SDF4: variants seen among roughly 807,000 people sequenced by gnomAD.
The protein encoded by SDF4 is 45 kDa calcium-binding protein.
In SDF4, 22 loss-of-function variants were observed where a neutral mutation model predicts 34.2. That is an observed-to-expected ratio of 0.64 (90% CI 0.46 to 0.92). The LOEUF (loss-of-function observed/expected upper bound fraction) is 0.92. Ranked by LOEUF, SDF4 falls within the 40% of genes least tolerant of loss-of-function variation. The pLI is 0.00. For missense variants in SDF4, 447 were observed against 499.9 expected, an observed-to-expected ratio of 0.89 and a Z score of 1.01; for synonymous variants, 236 against 203.1, an observed-to-expected ratio of 1.16 and a Z score of -1.38.
chr1:1,220,702 C>T, intron 4 of SDF4: 1 of 1,289,212 alleles, frequency 7.8e-7, no homozygotes, highest in Non-Finnish European at 1.0e-6. Flanking sequence ...AGAAATGTCA[C>T]AGAGCTCTAG....
chr1:1,228,570 C>T lies in SDF4; in HGVS notation c.203G>A (p.Arg68His), dbSNP rs765163336. The change falls in exon 2 of 7, where the codon CGC becomes CAC. Residue 68 changes from arginine to histidine, a missense_variant. Coordinates refer to ENST00000360001, the MANE Select transcript of SDF4 (RefSeq NM_016176.6). Reference protein sequence around the residue: ...VKLEMDGHLNRGFHQEVFLGK... With the variant: ...VKLEMDGHLNHGFHQEVFLGK... The stretch of plus-strand genomic sequence containing the variant: ...TAGGAAGACCTCCTGGTGGAAGCCG[C>T]GATTGAGGTGCCCGTCCATCTCCAG... 1.9e-6 allele frequency: 3 copies of T among 1,613,184 alleles called. No homozygotes were observed. Among genetic ancestry groups the T allele is most frequent in the Non-Finnish European group, 2.5e-6 (3 of 1,180,024 alleles).
chr1:1,228,353 G>T, intron 2 of SDF4, 115 bp downstream of exon 2: 2 of 1,202,030 alleles, frequency 1.7e-6, no homozygotes, highest in Non-Finnish European at 2.3e-6. Context: ...CGTCTTCCCA[G>T]CCCGGCAGGT....
At chr1:1,223,782 C>T (rs1481313062) in intron 3 of SDF4, 50 bp downstream of exon 3, 1 of 621,918 alleles carries the variant, frequency 1.6e-6, no homozygotes, top group East Asian at 2.8e-5. Flanking sequence ...AGGCCCATGG[C>T]CCTGCCCGCC....
At chr1:1,221,591 T>G (rs969328801) in intron 4 of SDF4, among the ~76,000 whole-genome samples, 4 of 151,720 alleles carry the variant, frequency 2.6e-5, no homozygotes, top group African/African-American at 9.7e-5. Flanking sequence ...TGAGCTGAGA[T>G]CGCACCACTG....
At chr1:1,224,084 G>A (rs75440717) in intron 2 of SDF4, 116 bp from the exon 3 acceptor site, 113 of 1,529,752 alleles carry the variant, frequency 7.4e-5, no homozygotes, top group Non-Finnish European at 9.4e-5. Flanking sequence ...CACCAACAGC[G>A]ACAGGCTCCA....
In SDF4 at chr1:1,228,588, A is replaced by C; in HGVS notation, c.185T>G (p.Met62Arg). The C allele has an allele frequency of 2.5e-6, 4 of 1,613,168 alleles. No homozygotes were observed. Among genetic ancestry groups the C allele is most frequent in the Non-Finnish European group, 3.4e-6 (4 of 1,180,002 alleles). ...PDHLNGVKLE[M>R]DGHLNRGFHQ... is the part of the protein sequence containing the mutation. ...GAAGCCGCGATTGAGGTGCCCGTCCATCTCCAGCTTCACCCCGTTCAGGTG... is the reference window on the plus strand; with the variant it reads ...GAAGCCGCGATTGAGGTGCCCGTCCCTCTCCAGCTTCACCCCGTTCAGGTG... The change falls in exon 2 of 7, where the codon ATG becomes AGG. Residue 62 changes from methionine to arginine, a missense_variant. By Grantham distance (91) the Met-to-Arg change is moderately conservative (BLOSUM62 -1). Coordinates refer to ENST00000360001, the MANE Select transcript of SDF4 (RefSeq NM_016176.6).
intron 1 of SDF4, among the ~76,000 whole-genome samples, chr1:1,229,954 C>A (rs949600838): frequency 6.6e-6 from 1 of 152,234 alleles, no homozygotes; most frequent in Non-Finnish European, 1.5e-5. Flanking sequence ...TGCCCTTGCC[C>A]ACACTCGCGA....
chr1:1,224,062 G>A (rs2100978003), intron 2 of SDF4, 94 bp from the exon 3 acceptor site: 1 of 1,558,828 alleles, frequency 6.4e-7, no homozygotes, highest in South Asian at 1.2e-5. Context: ...CTCCATGGCT[G>A]CGTGAACCTG....
In SDF4 at chr1:1,218,837, G is replaced by A. The variant is rs774080033; in HGVS notation, c.647C>T (p.Ser216Leu). 9.4e-6 allele frequency: 15 copies of A among 1,601,566 alleles called. No individual in the cohort carries two copies. In the Admixed American group the frequency reaches 1.2e-4, roughly 13 times the overall value. ...DLLLTEEEFL[S>L]FLHPEHSRGM... ...CCGGCTGTGCTCGGGGTGGAGGAAC[G>A]ACAGGAACTCCTCCTCCGTCAGCAG... The change falls in exon 5 of 7, where the codon TCG becomes TTG. Residue 216 changes from serine (S) to leucine (L), a missense_variant. Ser to Leu is a moderately radical substitution (Grantham distance 145). Coordinates refer to ENST00000360001, the MANE Select transcript of SDF4 (RefSeq NM_016176.6). This position sits in a 1 kb window ranked among gnomAD's most constrained non-coding sequence, Gnocchi z 7.9.
chr1:1,228,404 G>T, intron 2 of SDF4, 64 bp downstream of exon 2: 1 of 1,497,928 alleles, frequency 6.7e-7, no homozygotes, highest in Non-Finnish European at 8.9e-7. Flanking sequence ...GCAAAGCCAG[G>T]ATAGGAACAC....
chr1:1,224,116 C>T (rs1216023661), intron 2 of SDF4, 148 bp from the exon 3 acceptor site: 28 of 1,443,600 alleles, frequency 1.9e-5, no homozygotes, highest in South Asian at 4.1e-5. Flanking sequence ...GAAAAGCGTC[C>T]GGGACGTGGG....
In SDF4 at chr1:1,228,868, C is replaced by A. The variant is rs967054120; in HGVS notation, c.-96G>T. The A allele has an allele frequency of 4.8e-4, 569 of 1,186,986 alleles. No homozygotes were observed. The highest frequency in any genetic ancestry group is 6.3e-4 in the Non-Finnish European group (540 of 856,804). 73.5% of individuals were successfully genotyped at this position (1,186,986 alleles called of 1,614,324 possible). On this transcript the variant is annotated 5_prime_UTR_variant, in exon 2 of 7. Coordinates refer to ENST00000360001, the MANE Select transcript of SDF4 (RefSeq NM_016176.6). Reference sequence around the variant, plus strand: ...GGCAGAGGAGGAAGTGAGGTCCTGGCTCCAATCCAATCCCCGGGCACCACG... The same window carrying A: ...GGCAGAGGAGGAAGTGAGGTCCTGGATCCAATCCAATCCCCGGGCACCACG...
intron 2 of SDF4, among the ~76,000 whole-genome samples, chr1:1,226,620 G>GC (rs111614456): frequency 0.11 from 16,038 of 152,182 alleles, 946 homozygotes; most frequent in East Asian, 0.17. Flanking sequence ...GGACCCGCGT[G>GC]TGGGAAGGGA....
rs1638401396 is a variant in SDF4, at chr1:1,228,903, G to A, written c.-131C>T. 6 of 815,720 alleles carry A rather than the reference G, an allele frequency of 7.4e-6. No homozygotes were observed. The highest frequency in any genetic ancestry group is 7.6e-6 in the Non-Finnish European group (4 of 526,628). The allele number at this position is 815,720 out of a possible 1,614,324, so 50.5% of individuals were successfully genotyped here. ...ATCCCCGGGCACCACGGAGGGCTCT[G>A]TGTCCCCAGGACGGCCGCAGGATGG... is the stretch of plus-strand genomic sequence containing the variant. On this transcript the variant is annotated 5_prime_UTR_variant, in exon 2 of 7. Transcript: ENST00000360001.
intron 4 of SDF4, 96 bp from the exon 5 acceptor site, chr1:1,219,023 A>G (rs1649731195): frequency 6.2e-7 from 1 of 1,609,634 alleles, no homozygotes; most frequent in Non-Finnish European, 8.5e-7. Flanking sequence ...CGAGGGACAC[A>G]GCCACCCGCG....
rs2100992210 is a variant in SDF4 at position 1,231,927 on chromosome 1, G to C, written c.-210C>G. 1 of 152,302 alleles carries C rather than the reference G, an allele frequency of 6.6e-6. No individual in the cohort carries two copies. The highest frequency in any genetic ancestry group is 2.1e-4 in the South Asian group (1 of 4,832). 9.4% of individuals were successfully genotyped at this position (152,302 alleles called of 1,614,324 possible). A position where few individuals can be genotyped will look rare whatever the true frequency, so the allele number is the denominator to read the frequency against. On this transcript the variant is annotated 5_prime_UTR_variant, in exon 1 of 7. Transcript: ENST00000360001. ...CCCCGCGCTCGGGATCCGAGGACCG[G>C]AGCGAAGCGTCAGTGACGCCGCCAA...
In SDF4 at chr1:1,228,710, T is replaced by C. The variant is rs61745652; in HGVS notation, c.63A>G (p.Ala21=). 10,245 of 1,612,858 alleles carry C rather than the reference T, an allele frequency of 6.4e-3. 574 individuals carry two copies. The African/African-American group carries it at 0.12, about 19-fold the overall frequency. The change falls in exon 2 of 7, where the codon GCA becomes GCG. Residue 21 remains alanine (A), a synonymous_variant. Transcript: ENST00000360001. The stretch of plus-strand genomic sequence containing the variant: ...GTGCAGACGCGTCCATCAGAAGGAC[T>C]GCCCCCAGGAGCCAGAGGCAGCACG... The part of the protein sequence containing the change: ...LAPCCLWLLG[A]VLLMDASARP...
rs1485249068 is a variant in SDF4 at position 1,228,649 on chromosome 1, C to G, written c.124G>C (p.Ala42Pro). The change falls in exon 2 of 7, where the codon GCC (alanine) becomes CCC (proline). Residue 42 changes from alanine to proline, a missense_variant. By Grantham distance (27) the Ala-to-Pro change is conservative (BLOSUM62 -1). Coordinates refer to ENST00000360001, the MANE Select transcript of SDF4 (RefSeq NM_016176.6). ...ANHSSTRERV[A>P]NREENEILPP... ...AGGATCTCATTCTCCTCCCTGTTGGCTACTCTCTCTCGAGTGGACGAGTGG... is the reference window on the plus strand; with the variant it reads ...AGGATCTCATTCTCCTCCCTGTTGGGTACTCTCTCTCGAGTGGACGAGTGG... 6.2e-7 allele frequency: 1 copy of G among 1,613,226 alleles called. No individual in the cohort carries two copies. The highest frequency in any genetic ancestry group is 2.2e-5 in the East Asian group (1 of 44,888).
intron 2 of SDF4, 128 bp downstream of exon 2, chr1:1,228,340 G>T: frequency 9.5e-7 from 1 of 1,053,794 alleles, no homozygotes; most frequent in Non-Finnish European, 1.3e-6. Context: ...CTCATCACCG[G>T]CACGTCTTCC....
Sources: gnomAD v4.1 joint callset for allele counts (sites outside exome capture counted in the v4.1 genomes callset) on GRCh38, gnomAD v4.1.1 for gene constraint, Gnocchi (gnomAD v3.1) non-coding constraint, MANE v1.5 for transcripts, NCBI Gene and HGNC (gene_info 2026-07-23, HGNC 2026-07-21) for gene names.